The following TMEFF2 variants were observed in gnomAD, a reference collection of about 807,000 sequenced individuals.
TMEFF2 encodes the protein transmembrane protein with EGF like and two follistatin like domains 2.
TMEFF2 carries 28 observed loss-of-function variants against 53.8 expected under a neutral mutation model. The observed-to-expected ratio is 0.52, with a 90% CI of 0.39 to 0.71. The LOEUF (loss-of-function observed/expected upper bound fraction) is 0.71, where lower values mean the gene tolerates loss of function less well. Among genes scored for constraint, TMEFF2 ranks in the 30% least tolerant of loss-of-function variants. The pLI is 0.00. For synonymous variants in TMEFF2, 162 were observed against 166.3 expected (o/e 0.97, Z 0.20); for missense variants, 353 against 455.2 (o/e 0.78, Z 2.04).
intron 5 of TMEFF2, among the ~76,000 whole-genome samples, chr2:192,055,874 G>A (rs181084453): frequency 4.0e-5 from 6 of 150,456 alleles, no homozygotes; most frequent in Non-Finnish European, 2.9e-5. Context: ...CCAGTGCATA[G>A]ACTCTCTCAC....
chr2:192,042,518 A>G (rs1687511292), intron 5 of TMEFF2, among the ~76,000 whole-genome samples: 1 of 152,202 alleles, frequency 6.6e-6, no homozygotes, highest in African/African-American at 2.4e-5. Context: ...CAAAAGAACT[A>G]CCTAAGTTCC....
chr2:192,150,085 G>A (rs977405926), intron 4 of TMEFF2, among the ~76,000 whole-genome samples: 4 of 151,892 alleles, frequency 2.6e-5, no homozygotes, highest in African/African-American at 4.8e-5. Context: ...GACATATCTT[G>A]TTCATTTATA....
At chr2:192,128,269 T>G (rs1013657080) in intron 4 of TMEFF2, among the ~76,000 whole-genome samples, 2 of 152,246 alleles carry the variant, frequency 1.3e-5, no homozygotes, top group Non-Finnish European at 2.9e-5. Flanking sequence ...TCTACTTTTA[T>G]ACTATGTAAG....
intron 4 of TMEFF2, among the ~76,000 whole-genome samples, chr2:192,109,333 G>A (rs1191887290): frequency 1.3e-5 from 2 of 152,012 alleles, no homozygotes; most frequent in African/African-American, 4.8e-5. Context: ...TCTACTGCAA[G>A]TGAAATCTTT....
At chr2:192,101,477 C>T (rs1345487272) in intron 4 of TMEFF2, among the ~76,000 whole-genome samples, 1 of 151,992 alleles carries the variant, frequency 6.6e-6, no homozygotes, top group Non-Finnish European at 1.5e-5. Flanking sequence ...TCATATTTTG[C>T]TATGTTTTAT....
intron 5 of TMEFF2, among the ~76,000 whole-genome samples, chr2:192,017,728 A>C (rs1451542106): frequency 6.6e-6 from 1 of 152,216 alleles, no homozygotes; most frequent in Non-Finnish European, 1.5e-5. Flanking sequence ...TCAGTCTGAT[A>C]CGTTCAAATT....
At chr2:192,150,324 C>T (rs1690354064) in intron 4 of TMEFF2, among the ~76,000 whole-genome samples, 1 of 151,816 alleles carries the variant, frequency 6.6e-6, no homozygotes, top group African/African-American at 2.4e-5. Context: ...AGATGTCAGC[C>T]ATGCCCCTAA....
intron 4 of TMEFF2, among the ~76,000 whole-genome samples, chr2:192,062,000 AC>A (rs1410138858): frequency 6.6e-6 from 1 of 152,130 alleles, no homozygotes; most frequent in Admixed American, 6.6e-5. Context: ...GTCAGAATAA[AC>A]TTTTTTTCCT....
intron 4 of TMEFF2, among the ~76,000 whole-genome samples, chr2:192,172,347 C>T (rs996228424): frequency 1.3e-4 from 20 of 151,970 alleles, no homozygotes; most frequent in Admixed American, 2.6e-4. Flanking sequence ...TTCCTGCATA[C>T]CATGCCAGGG....
chr2:192,111,117 G>C (rs943421021), intron 4 of TMEFF2, among the ~76,000 whole-genome samples: 5 of 152,116 alleles, frequency 3.3e-5, no homozygotes, highest in African/African-American at 1.2e-4. Context: ...ACAGTAAATT[G>C]GCACTGGGAG....
intron 7 of TMEFF2, among the ~76,000 whole-genome samples, chr2:191,967,307 T>C (rs1055774729): frequency 3.9e-5 from 6 of 152,118 alleles, no homozygotes; most frequent in African/African-American, 1.4e-4. Context: ...CTGTTGATGC[T>C]CTGACACCCC....
rs564517578 is a variant in TMEFF2 at position 192,040,144 on chromosome 2, T to G, written c.536+17535A>C. ...TAGAATTCAGAACTGGTAAAAGTAT[T>G]TCTTGATGAACTAGTTGTCTTTTCT... is the stretch of plus-strand genomic sequence containing the variant. On this transcript the variant is annotated intron_variant, in intron 5 of 9. Transcript: ENST00000272771. Among the ~76,000 whole-genome samples, 3 of 152,262 alleles carry G rather than the reference T, an allele frequency of 2.0e-5. No homozygotes were observed. The South Asian group carries it at 6.2e-4, about 32-fold the overall frequency.
At chr2:192,152,540 T>A (rs1398120408) in intron 4 of TMEFF2, among the ~76,000 whole-genome samples, 1 of 151,994 alleles carries the variant, frequency 6.6e-6, no homozygotes, top group Non-Finnish European at 1.5e-5. Context: ...ATTTATCAGA[T>A]GCAAAACTTC....
intron 5 of TMEFF2, among the ~76,000 whole-genome samples, chr2:192,021,215 C>G (rs901866322): frequency 2.6e-5 from 4 of 152,130 alleles, no homozygotes; most frequent in African/African-American, 9.7e-5. Flanking sequence ...TTTTACCAGT[C>G]ACTTTCCTAG....
chr2:191,964,402 T>TTCTTTC (rs1692405024), intron 7 of TMEFF2, among the ~76,000 whole-genome samples: 1 of 99,310 alleles, frequency 1.0e-5, no homozygotes, highest in African/African-American at 5.1e-5. Flanking sequence ...TTCTTTCTCT[T>TTCTTTC]TCTTTCTTTC....
intron 7 of TMEFF2, among the ~76,000 whole-genome samples, chr2:191,985,586 ACTC>A (rs1160187994): frequency 2.0e-5 from 3 of 152,082 alleles, no homozygotes; most frequent in Non-Finnish European, 4.4e-5. Context: ...TTATTAACCA[ACTC>A]CTCCTTCTTA....
chr2:192,002,582 C>T (rs1326811416), intron 5 of TMEFF2, among the ~76,000 whole-genome samples: 1 of 151,976 alleles, frequency 6.6e-6, no homozygotes, highest in Non-Finnish European at 1.5e-5. Flanking sequence ...GTAATCCCAG[C>T]ACCCTGGGAG....
chr2:191,960,746 A>C (rs1256100786), intron 7 of TMEFF2, among the ~76,000 whole-genome samples: 1 of 151,794 alleles, frequency 6.6e-6, no homozygotes, highest in Non-Finnish European at 1.5e-5. Flanking sequence ...AAACATCAGG[A>C]ATTTAGTGGA....
intron 4 of TMEFF2, among the ~76,000 whole-genome samples, chr2:192,059,124 G>T (rs1389753962): frequency 6.6e-6 from 1 of 151,828 alleles, no homozygotes; most frequent in Non-Finnish European, 1.5e-5. Context: ...ACTCTTCCAA[G>T]AAAGGTGGAG....
Sources: gnomAD v4.1 joint callset for allele counts (sites outside exome capture counted in the v4.1 genomes callset) on GRCh38, gnomAD v4.1.1 for gene constraint, MANE v1.5 for transcripts, NCBI Gene and HGNC (gene_info 2026-07-23, HGNC 2026-07-21) for gene names.